ADCY5: variants seen among roughly 807,000 people sequenced by gnomAD.
The protein encoded by ADCY5 is adenylate cyclase type 5.
In ADCY5, 30 loss-of-function variants were observed where a neutral mutation model predicts 119.7. The ratio of observed to expected loss-of-function variants is 0.25; its 90% CI spans 0.19 to 0.34. The LOEUF (loss-of-function observed/expected upper bound fraction) is 0.34, where lower values mean the gene tolerates loss of function less well. ADCY5 is among the 10% of genes least tolerant of loss of function. The probability of loss-of-function intolerance (pLI) is 1.00; values close to 1 mark genes in which losing one functional copy is unlikely to be tolerated. For synonymous variants in ADCY5, 753 were observed against 762.2 expected (o/e 0.99, Z 0.20); for missense variants, 1,324 against 1,775.2 (o/e 0.75, Z 4.57).
intron 1 of ADCY5, among the ~76,000 whole-genome samples, 155 bp downstream of exon 1, chr3:123,447,257 G>T (rs1235042946): frequency 6.6e-6 from 1 of 152,220 alleles, no homozygotes; most frequent in Non-Finnish European, 1.5e-5. Context: ...GGCTCAGAGT[G>T]GGGTAAGAAG....
In ADCY5 at chr3:123,347,864, T is replaced by C; in HGVS notation, c.1324A>G (p.Met442Val). The change falls in exon 3 of 21, where the codon ATG (methionine) becomes GTG (valine). Residue 442 changes from methionine to valine, a missense_variant. Physicochemically the swap from Met to Val is conservative, Grantham distance 21 (BLOSUM62 1). Coordinates refer to ENST00000462833, the MANE Select transcript of ADCY5 (RefSeq NM_183357.3). Reference protein sequence around the residue: ...LLSVLPRHVAMEMKADINAKQ... With the variant: ...LLSVLPRHVAVEMKADINAKQ... ...GCGTTGATGTCTGCTTTCATCTCCA[T>C]GGCAACATGACGGGGAAGGACAGAC... 6.2e-7 allele frequency: 1 copy of C among 1,614,118 alleles called. No homozygotes were observed. The highest frequency in any genetic ancestry group is 1.1e-5 in the South Asian group (1 of 91,082).
intron 1 of ADCY5, among the ~76,000 whole-genome samples, chr3:123,436,263 C>T (rs1038624808): frequency 6.6e-6 from 1 of 151,984 alleles, no homozygotes; most frequent in Non-Finnish European, 1.5e-5. Flanking sequence ...GTCCCAGCTA[C>T]TCAGGAGGCT....
intron 1 of ADCY5, among the ~76,000 whole-genome samples, chr3:123,444,284 G>T (rs755741006): frequency 6.6e-6 from 1 of 152,162 alleles, no homozygotes; most frequent in South Asian, 2.1e-4. Context: ...GACAGGAGTC[G>T]ACAGTGAGAC....
intron 12 of ADCY5, among the ~76,000 whole-genome samples, chr3:123,308,702 A>G (rs1382590207): frequency 6.6e-6 from 1 of 152,058 alleles, no homozygotes; most frequent in Non-Finnish European, 1.5e-5. Context: ...GGTGGCAGGC[A>G]CCTGTAGTCC....
chr3:123,396,071 A>AGG (rs1559859718), intron 1 of ADCY5, among the ~76,000 whole-genome samples: 59 of 44,256 alleles, frequency 1.3e-3, no homozygotes, highest in Non-Finnish European at 1.8e-3. Flanking sequence ...GGTGGGAGGG[A>AGG]GAGGGAGGGA....
chr3:123,372,211 C>T (rs1003858088), intron 1 of ADCY5, among the ~76,000 whole-genome samples: 12 of 152,100 alleles, frequency 7.9e-5, no homozygotes, highest in African/African-American at 2.7e-4. Flanking sequence ...CATTGATGCT[C>T]GTAATCCTAG....
In ADCY5 at chr3:123,331,029, T is replaced by A. The variant is rs1308828593; in HGVS notation, c.1519-13A>T. The A allele has an allele frequency of 6.3e-7, 1 of 1,599,788 alleles. No homozygotes were observed. Among genetic ancestry groups the A allele is most frequent in the Admixed American group, 1.8e-5 (1 of 56,616 alleles). ...AACAGTGATTCTCCTGGAAAGCAAA[T>A]TAATTTTACAAATTAAAAATAGTAG... On this transcript the variant is annotated splice_polypyrimidine_tract_variant and intron_variant, in intron 4 of 20. Transcript: ENST00000462833.
Position 123,283,175 on chromosome 3 carries a change from T to A in ADCY5, c.*1433A>T, listed in dbSNP as rs149318745. The A allele has an allele frequency of 1.4e-4, 22 of 152,228 alleles. No individual in the cohort carries two copies. Among genetic ancestry groups the A allele is most frequent in the African/African-American group, 5.1e-4 (21 of 41,526 alleles). The allele number at this position is 152,228 out of a possible 1,614,324, so 9.4% of individuals were successfully genotyped here. ...GAAGGCTGCACATTGCATCCCCCAG[T>A]CTGAGTGAACATCTCCAGGAAGAGC... is the stretch of plus-strand genomic sequence containing the variant. On this transcript the variant is annotated 3_prime_UTR_variant, in exon 21 of 21. Coordinates refer to ENST00000462833, the MANE Select transcript of ADCY5 (RefSeq NM_183357.3).
intron 4 of ADCY5, 82 bp from the exon 5 acceptor site, chr3:123,331,098 A>C: frequency 6.9e-7 from 1 of 1,457,610 alleles, no homozygotes; most frequent in Non-Finnish European, 9.4e-7. Context: ...AAAAAGATTC[A>C]CCCCGTGCCT....
intron 17 of ADCY5, among the ~76,000 whole-genome samples, chr3:123,292,175 C>G (rs1033253420): frequency 6.6e-6 from 1 of 152,360 alleles, no homozygotes; most frequent in South Asian, 2.1e-4. Flanking sequence ...TGAGAAAAAT[C>G]TGGCTGGCCC....
At chr3:123,359,466 G>A (rs1943168389) in intron 1 of ADCY5, among the ~76,000 whole-genome samples, 1 of 150,630 alleles carries the variant, frequency 6.6e-6, no homozygotes, top group South Asian at 2.1e-4. Flanking sequence ...CCCCAGTCGT[G>A]ACAACCCTCT....
intron 17 of ADCY5, among the ~76,000 whole-genome samples, chr3:123,292,506 C>T (rs1055709345): frequency 3.3e-5 from 5 of 152,264 alleles, no homozygotes; most frequent in East Asian, 1.9e-4. Context: ...GGGATCATCC[C>T]GAGGGCTTCT....
chr3:123,362,347 A>G (rs965569684), intron 1 of ADCY5, among the ~76,000 whole-genome samples: 1 of 152,166 alleles, frequency 6.6e-6, no homozygotes, highest in Admixed American at 6.5e-5. Flanking sequence ...CATGATAGTC[A>G]TCCTAGCAGG....
At chr3:123,412,564 G>A (rs781287666) in intron 1 of ADCY5, among the ~76,000 whole-genome samples, 1 of 152,106 alleles carries the variant, frequency 6.6e-6, no homozygotes, top group Non-Finnish European at 1.5e-5. Context: ...GATAGAGCTC[G>A]GAAAGGCTAA....
intron 7 of ADCY5, 123 bp downstream of exon 7, chr3:123,327,495 A>C (rs1941548177): frequency 9.4e-7 from 1 of 1,066,274 alleles, no homozygotes; most frequent in Non-Finnish European, 1.3e-6. Context: ...AAGATGCAGG[A>C]ACCGCAACTG....
At chr3:123,340,527 T>C (rs1315909960) in intron 3 of ADCY5, among the ~76,000 whole-genome samples, 2 of 152,144 alleles carry the variant, frequency 1.3e-5, no homozygotes, top group Admixed American at 6.5e-5. Context: ...GGTCAGCGCC[T>C]CTTTGCTCTG....
intron 6 of ADCY5, 25 bp downstream of exon 6, chr3:123,328,619 C>T: frequency 6.2e-7 from 1 of 1,611,658 alleles, no homozygotes; most frequent in Non-Finnish European, 8.5e-7. Context: ...GTCGGGGCCC[C>T]AAGCCACCCA....
intron 1 of ADCY5, among the ~76,000 whole-genome samples, chr3:123,394,004 G>A (rs1225663858): frequency 6.6e-6 from 1 of 152,118 alleles, no homozygotes; most frequent in Non-Finnish European, 1.5e-5. Context: ...AGCCAGGCGT[G>A]GTGATGGGCA....
intron 8 of ADCY5, 102 bp from the exon 9 acceptor site, chr3:123,320,873 C>A: frequency 1.2e-6 from 1 of 829,350 alleles, no homozygotes; most frequent in South Asian, 1.5e-5. Context: ...TACAGTCTCC[C>A]AAAGGACGTG....
Sources: gnomAD v4.1 joint callset for allele counts (sites outside exome capture counted in the v4.1 genomes callset) on GRCh38, gnomAD v4.1.1 for gene constraint, MANE v1.5 for transcripts, NCBI Gene and HGNC (gene_info 2026-07-23, HGNC 2026-07-21) for gene names.